Variants in GRK4 observed in about 807,000 individuals in gnomAD.
GRK4 encodes the protein G protein-coupled receptor kinase 4.
Under a neutral mutation model 77.9 loss-of-function variants are expected in GRK4, and 73 were observed. That is an observed-to-expected ratio of 0.94 (90% CI 0.78 to 1.14). The LOEUF is 1.14. Among genes scored for constraint, GRK4 ranks in the 50% most tolerant of loss-of-function variants. The pLI, the probability that GRK4 is intolerant of heterozygous loss-of-function variation, is 0.00. For synonymous variants in GRK4, 257 were observed against 254.4 expected (o/e 1.01, Z -0.10); for missense variants, 729 against 700.2 (o/e 1.04, Z -0.46).
In GRK4 at chr4:2,964,966, T is replaced by C. The variant is rs778138035; in HGVS notation, c.52+844T>C. 3.4e-4 allele frequency among the ~76,000 whole-genome samples: 52 copies of C among 151,830 alleles called. 2 individuals are homozygous for C. Among genetic ancestry groups the C allele is most frequent in the Non-Finnish European group, 6.9e-4 (47 of 67,984 alleles). Reference sequence around the variant, plus strand: ...GAAGAAAAAAAAAAAAGAGGACAAATATCTGTGTTTAGCCAGTTCTTGGTT... The same window carrying C: ...GAAGAAAAAAAAAAAAGAGGACAAACATCTGTGTTTAGCCAGTTCTTGGTT... On this transcript the variant is annotated intron_variant, in intron 1 of 15. Coordinates refer to ENST00000398052, the MANE Select transcript of GRK4 (RefSeq NM_182982.3).
At chr4:3,003,300 GT>G (rs1439807371) in intron 4 of GRK4, among the ~76,000 whole-genome samples, 1 of 151,314 alleles carries the variant, frequency 6.6e-6, no homozygotes, top group Non-Finnish European at 1.5e-5. Flanking sequence ...AGCAATTCTC[GT>G]GCCTCAGCCT....
intron 10 of GRK4, among the ~76,000 whole-genome samples, chr4:3,023,184 T>C (rs1736545206): frequency 6.6e-6 from 1 of 152,142 alleles, no homozygotes; most frequent in Non-Finnish European, 1.5e-5. Context: ...GACCCTGTAA[T>C]AGTGGACAGG....
chr4:3,021,253 G>A (rs549701586), intron 9 of GRK4, among the ~76,000 whole-genome samples: 1 of 152,188 alleles, frequency 6.6e-6, no homozygotes, highest in East Asian at 1.9e-4. Flanking sequence ...TTCCTGTGTG[G>A]GTGCCACTCT....
intron 1 of GRK4, among the ~76,000 whole-genome samples, chr4:2,978,792 T>A (rs1329103776): frequency 6.6e-6 from 1 of 151,926 alleles, no homozygotes; most frequent in African/African-American, 2.4e-5. Context: ...AAAAGCTTTT[T>A]AAAAAAATAG....
intron 12 of GRK4, among the ~76,000 whole-genome samples, chr4:3,032,551 A>G (rs887427744): frequency 1.3e-5 from 2 of 152,220 alleles, no homozygotes; most frequent in African/African-American, 4.8e-5. Flanking sequence ...GGGGCTTTCA[A>G]GATGAAATCC....
At chr4:3,017,339 A>G (rs1342816798) in intron 8 of GRK4, among the ~76,000 whole-genome samples, 1 of 151,924 alleles carries the variant, frequency 6.6e-6, no homozygotes, top group African/African-American at 2.4e-5. Flanking sequence ...ACTCTGTTGG[A>G]TGGTTTCTTT....
At chr4:2,995,281 A>G (rs1036886251) in intron 4 of GRK4, among the ~76,000 whole-genome samples, 1 of 152,146 alleles carries the variant, frequency 6.6e-6, no homozygotes, top group African/African-American at 2.4e-5. Context: ...TAATAAAAAG[A>G]AATTTCTTGG....
At chr4:3,032,791 A>G (rs1410432411) in intron 12 of GRK4, among the ~76,000 whole-genome samples, 2 of 152,256 alleles carry the variant, frequency 1.3e-5, no homozygotes, top group African/African-American at 2.4e-5. Flanking sequence ...ATAATCCTCC[A>G]TAATTACTAA....
intron 7 of GRK4, among the ~76,000 whole-genome samples, chr4:3,012,706 G>A (rs1316760711): frequency 1.3e-5 from 2 of 152,178 alleles, no homozygotes; most frequent in Middle Eastern, 3.4e-3. Flanking sequence ...TTCCACTTTT[G>A]TATGTTGGAA....
intron 1 of GRK4, chr4:2,965,644 A>G: frequency 1.7e-6 from 1 of 595,466 alleles, no homozygotes; most frequent in Non-Finnish European, 3.0e-6. Context: ...AGGAGAGTCC[A>G]GCCTGGGCAA....
chr4:3,038,261 C>T (rs1245510418), intron 14 of GRK4, 115 bp from the exon 15 acceptor site: 11 of 1,315,708 alleles, frequency 8.4e-6, no homozygotes, highest in Middle Eastern at 2.0e-4. Flanking sequence ...ACAGTGGGTG[C>T]AGGAGCTCTG....
chr4:3,035,724 CA>C (rs1376655798), intron 13 of GRK4, among the ~76,000 whole-genome samples: 2 of 152,036 alleles, frequency 1.3e-5, no homozygotes, highest in Admixed American at 6.6e-5. Context: ...TGCCCGGCTG[CA>C]ACACAGTTTT....
intron 1 of GRK4, among the ~76,000 whole-genome samples, chr4:2,978,153 C>T (rs1721758388): frequency 6.6e-6 from 1 of 152,126 alleles, no homozygotes; most frequent in Non-Finnish European, 1.5e-5. Flanking sequence ...TTAATCTATC[C>T]TAAAGATCCA....
intron 4 of GRK4, among the ~76,000 whole-genome samples, chr4:2,993,237 G>A (rs982790782): frequency 2.0e-5 from 3 of 152,130 alleles, no homozygotes; most frequent in Admixed American, 6.6e-5. Flanking sequence ...CTTGGTTCTT[G>A]TAGTTCAGTA....
At chr4:2,994,472 A>G (rs1727210521) in intron 4 of GRK4, among the ~76,000 whole-genome samples, 1 of 152,122 alleles carries the variant, frequency 6.6e-6, no homozygotes, top group African/African-American at 2.4e-5. Flanking sequence ...CGGCCTCCCA[A>G]ATTGTGGGGA....
chr4:3,017,074 C>T (rs900610303), intron 8 of GRK4, among the ~76,000 whole-genome samples: 1 of 152,256 alleles, frequency 6.6e-6, no homozygotes, highest in Non-Finnish European at 1.5e-5. Flanking sequence ...GTCTGTTCTC[C>T]ACGGAGCAGT....
intron 10 of GRK4, among the ~76,000 whole-genome samples, chr4:3,026,531 A>G (rs569583832): frequency 6.6e-6 from 1 of 152,330 alleles, no homozygotes; most frequent in East Asian, 1.9e-4. Flanking sequence ...GGAGTTCAAG[A>G]CCAGCCTGGG....
chr4:3,015,180 A>G (rs1421236422), intron 8 of GRK4, among the ~76,000 whole-genome samples: 1 of 152,168 alleles, frequency 6.6e-6, no homozygotes, highest in Non-Finnish European at 1.5e-5. Flanking sequence ...CTCCAAACCC[A>G]GTTTCTCTCT....
At position 3,027,968 on chromosome 4, in the gene GRK4, G is replaced by GT; in HGVS notation, c.1029dup (p.Arg344SerfsTer13). 6.2e-7 allele frequency: 1 copy of GT among 1,614,166 alleles called. No individual in the cohort carries two copies. The highest frequency in any genetic ancestry group is 1.1e-5 in the South Asian group (1 of 91,080). ...CACAGAGATCCCAGAAGGACAGAGG[G>GT]TTCGAGGAAGAGTTGGAACAGTCGG... On this transcript the variant is annotated frameshift_variant, in exon 11 of 16. Transcript: ENST00000398052. LOFTEE classifies it high-confidence loss of function.
Sources: gnomAD v4.1 joint callset for allele counts (sites outside exome capture counted in the v4.1 genomes callset) on GRCh38, gnomAD v4.1.1 for gene constraint, MANE v1.5 for transcripts, NCBI Gene and HGNC (gene_info 2026-07-23, HGNC 2026-07-21) for gene names.